Variants in GLDC observed in about 807,000 individuals in gnomAD.
GLDC encodes the protein glycine dehydrogenase (decarboxylating), mitochondrial.
Under a neutral mutation model 121.3 loss-of-function variants are expected in GLDC, and 104 were observed. The ratio of observed to expected loss-of-function variants is 0.86; its 90% CI spans 0.73 to 1.01. The LOEUF is 1.01. GLDC is among the 50% of genes least tolerant of loss of function. GLDC has a pLI of 0.00. For synonymous variants in GLDC, 546 were observed against 480.6 expected (o/e 1.14, Z -1.78); for missense variants, 1,429 against 1,306.6 (o/e 1.09, Z -1.44).
chr9:6,589,225 C>T lies in GLDC; in HGVS notation c.1550G>A (p.Ser517Asn), dbSNP rs1368071318. 6.2e-7 allele frequency: 1 copy of T among 1,608,726 alleles called. No homozygotes were observed. The highest frequency in any genetic ancestry group is 8.5e-7 in the Non-Finnish European group (1 of 1,175,138). The change falls in exon 12 of 25, where the codon AGC (serine) becomes AAC (asparagine). Residue 517 changes from serine (S) to asparagine (N), a missense_variant. Physicochemically the swap from Ser to Asn is conservative, Grantham distance 46 (BLOSUM62 1). Coordinates refer to ENST00000321612, the MANE Select transcript of GLDC (RefSeq NM_000170.3). The part of the protein sequence containing the change: ...GIPGSVFKRT[S>N]PFLTHQVFNS... ...GAACACTTGATGGGTGAGGAACGGGCTGGTCCTCTTGAACACAGACCCTGG... is the reference window on the plus strand; with the variant it reads ...GAACACTTGATGGGTGAGGAACGGGTTGGTCCTCTTGAACACAGACCCTGG...
At chr9:6,602,939 T>G (rs1213918669) in intron 7 of GLDC, among the ~76,000 whole-genome samples, 3 of 151,992 alleles carry the variant, frequency 2.0e-5, no homozygotes, top group Non-Finnish European at 2.9e-5. Flanking sequence ...ATCACACAAA[T>G]TTTATGAGCC....
At chr9:6,556,405 C>T in intron 17 of GLDC, 103 bp from the exon 18 acceptor site, 3 of 964,678 alleles carry the variant, frequency 3.1e-6, no homozygotes, top group Non-Finnish European at 5.0e-6. Flanking sequence ...GATGAAGTCT[C>T]AGTCTTTACT....
At chr9:6,580,242 T>G (rs1818147675) in intron 15 of GLDC, among the ~76,000 whole-genome samples, 1 of 152,232 alleles carries the variant, frequency 6.6e-6, no homozygotes, top group Admixed American at 6.5e-5. Context: ...GGCTCTCTGC[T>G]TCTATAATTG....
chr9:6,554,580 G>A lies in GLDC; in HGVS notation c.2315+89C>T, dbSNP rs376930554. On this transcript the variant is annotated intron_variant, in intron 19 of 24. Transcript: ENST00000321612. Reference sequence around the variant, plus strand: ...ACCGATGAGGGTATCCTCAACACATGAAGACTTTGATGGGATGAGTAGTCT... The same window carrying A: ...ACCGATGAGGGTATCCTCAACACATAAAGACTTTGATGGGATGAGTAGTCT... 1.5e-4 allele frequency: 140 copies of A among 925,362 alleles called. 1 individual carries two copies. The African/African-American group carries it at 2.1e-3, about 14-fold the overall frequency. 57.3% of individuals were successfully genotyped at this position (925,362 alleles called of 1,614,324 possible). A position where few individuals can be genotyped will look rare whatever the true frequency, so the allele number is the denominator to read the frequency against.
intron 15 of GLDC, 56 bp from the exon 16 acceptor site, chr9:6,565,485 C>G (rs1817838387): frequency 5.2e-6 from 7 of 1,347,264 alleles, no homozygotes; most frequent in Non-Finnish European, 7.5e-6. Context: ...TTCATTTACT[C>G]ATTCAATATT....
At chr9:6,624,061 G>A (rs1330511481) in intron 2 of GLDC, among the ~76,000 whole-genome samples, 1 of 152,224 alleles carries the variant, frequency 6.6e-6, no homozygotes, top group Admixed American at 6.5e-5. Flanking sequence ...AAGCTGGATA[G>A]TATGATTCTT....
intron 2 of GLDC, among the ~76,000 whole-genome samples, chr9:6,636,188 C>T (rs1819497824): frequency 6.6e-6 from 1 of 152,040 alleles, no homozygotes. Context: ...CCTGTAGTCT[C>T]GCCTACTCAG....
At chr9:6,536,806 C>T (rs763481107) in intron 22 of GLDC, among the ~76,000 whole-genome samples, 1 of 152,104 alleles carries the variant, frequency 6.6e-6, no homozygotes, top group African/African-American at 2.4e-5. Flanking sequence ...GTGTTAAAGA[C>T]TCTGGAGCAA....
Position 6,558,603 on chromosome 9 carries a change from C to T in GLDC, c.2008G>A (p.Val670Met), listed in dbSNP as rs767864486. 2.5e-6 allele frequency: 4 copies of T among 1,614,236 alleles called. No individual in the cohort carries two copies. The highest frequency in any genetic ancestry group is 3.3e-5 in the Admixed American group (2 of 60,030). The change falls in exon 17 of 25, where the codon GTG becomes ATG. Residue 670 changes from valine to methionine, a missense_variant. Coordinates refer to ENST00000321612, the MANE Select transcript of GLDC (RefSeq NM_000170.3). ...GCATCGATATTCCCATATTTATCCACCTCCACAGGCTGAATCTTCATGCCT... is the reference window on the plus strand; with the variant it reads ...GCATCGATATTCCCATATTTATCCATCTCCACAGGCTGAATCTTCATGCCT... ...MAGMKIQPVEVDKYGNIDAVH... is the reference protein window; with the variant it reads ...MAGMKIQPVEMDKYGNIDAVH...
At chr9:6,559,464 G>A (rs1015606695) in intron 16 of GLDC, among the ~76,000 whole-genome samples, 17 of 146,436 alleles carry the variant, frequency 1.2e-4, no homozygotes, top group African/African-American at 3.8e-4. Flanking sequence ...GCGGTGAGCC[G>A]AGATTGCGCT....
At chr9:6,554,386 G>A (rs533841100) in intron 19 of GLDC, among the ~76,000 whole-genome samples, 1 of 152,278 alleles carries the variant, frequency 6.6e-6, no homozygotes, top group African/African-American at 2.4e-5. Flanking sequence ...GTATGCTCAG[G>A]TGAAGTTCCC....
chr9:6,588,090 A>T (rs919247213), intron 14 of GLDC, among the ~76,000 whole-genome samples: 83 of 135,930 alleles, frequency 6.1e-4, no homozygotes, highest in Non-Finnish European at 1.2e-3. Context: ...ATTTTTTTTA[A>T]AAAAGCTTTT....
chr9:6,594,074 C>G (rs1184610080), intron 9 of GLDC, among the ~76,000 whole-genome samples: 2 of 152,132 alleles, frequency 1.3e-5, no homozygotes, highest in Non-Finnish European at 2.9e-5. Context: ...ATCCTCCTGG[C>G]TCAGCCTCCA....
At chr9:6,561,147 T>C (rs1817750056) in intron 16 of GLDC, among the ~76,000 whole-genome samples, 1 of 152,316 alleles carries the variant, frequency 6.6e-6, no homozygotes, top group Admixed American at 6.5e-5. Flanking sequence ...TTAATGTGTG[T>C]TGTTTTAAGC....
chr9:6,595,804 G>A (rs181091752), intron 8 of GLDC, among the ~76,000 whole-genome samples: 4 of 152,234 alleles, frequency 2.6e-5, no homozygotes, highest in Admixed American at 1.3e-4. Flanking sequence ...ACTCCAGCCC[G>A]GTTGACAATA....
At chr9:6,576,145 A>C (rs1254841766) in intron 15 of GLDC, among the ~76,000 whole-genome samples, 6 of 152,238 alleles carry the variant, frequency 3.9e-5, no homozygotes, top group African/African-American at 1.4e-4. Context: ...GTCTTAATCC[A>C]TCCAGGTGCT....
At chr9:6,621,807 C>T (rs1238093755) in intron 2 of GLDC, among the ~76,000 whole-genome samples, 8 of 152,104 alleles carry the variant, frequency 5.3e-5, no homozygotes, top group African/African-American at 1.4e-4. Context: ...TGAGCCACCG[C>T]GCCCTGCCAC....
At chr9:6,622,387 A>G (rs1755614) in intron 2 of GLDC, among the ~76,000 whole-genome samples, 67,644 of 141,446 alleles carry the variant, frequency 0.48, 17,169 homozygotes, top group African/African-American at 0.66. Flanking sequence ...GATTGCAGGC[A>G]CGCGCCGCCA....
At chr9:6,542,029 C>G (rs1298119485) in intron 21 of GLDC, 2 of 151,928 alleles carry the variant, frequency 1.3e-5, no homozygotes, top group East Asian at 3.9e-4. Flanking sequence ...ATCACGAGGT[C>G]CAGAGATCAA....
Sources: allele counts gnomAD v4.1 joint callset (sites outside exome capture counted in the v4.1 genomes callset), GRCh38; gene constraint gnomAD v4.1.1; transcripts MANE v1.5; gene names NCBI Gene and HGNC (gene_info 2026-07-23, HGNC 2026-07-21).